NR5A2: variants seen among roughly 807,000 people sequenced by gnomAD.
NR5A2 encodes the protein nuclear receptor subfamily 5 group A member 2, also known as CYP7A promoter-binding factor.
Under a neutral mutation model 62.7 loss-of-function variants are expected in NR5A2, and 26 were observed. The ratio of observed to expected loss-of-function variants is 0.41; its 90% CI spans 0.30 to 0.58. The LOEUF is 0.58. NR5A2 is among the 20% of genes least tolerant of loss of function. The pLI is 0.22. For missense variants in NR5A2, 541 were observed against 669.1 expected (o/e 0.81, Z 2.11); for synonymous variants, 246 against 241.7 (o/e 1.02, Z -0.16).
chr1:200,085,722 C>T (rs1276818141), intron 5 of NR5A2, among the ~76,000 whole-genome samples: 1 of 150,706 alleles, frequency 6.6e-6, no homozygotes, highest in African/African-American at 2.4e-5. Flanking sequence ...GAGGGGGATA[C>T]ACATGTACAA....
At chr1:200,144,240 C>T (rs895355862) in intron 7 of NR5A2, among the ~76,000 whole-genome samples, 30 of 119,416 alleles carry the variant, frequency 2.5e-4, no homozygotes, top group African/African-American at 1.0e-3. Context: ...CTCTCACACA[C>T]ACACACACAC....
At chr1:200,148,459 C>G (rs1051116367) in intron 7 of NR5A2, among the ~76,000 whole-genome samples, 4 of 152,218 alleles carry the variant, frequency 2.6e-5, no homozygotes, top group African/African-American at 9.6e-5. Flanking sequence ...AGGCAGCCCC[C>G]TCCTGGGGGT....
chr1:200,119,226 CT>C (rs1209159315), intron 6 of NR5A2, among the ~76,000 whole-genome samples: 1 of 152,154 alleles, frequency 6.6e-6, no homozygotes, highest in African/African-American at 2.4e-5. Flanking sequence ...TCCATTCTGC[CT>C]TGTTTTTAAT....
chr1:200,156,996 T>C (rs1653420663), intron 7 of NR5A2, among the ~76,000 whole-genome samples: 2 of 152,174 alleles, frequency 1.3e-5, no homozygotes, highest in Admixed American at 6.5e-5. Flanking sequence ...TGCTGACTGA[T>C]ACATTAGGCT....
intron 5 of NR5A2, among the ~76,000 whole-genome samples, chr1:200,099,199 C>T (rs898735221): frequency 6.6e-6 from 1 of 152,198 alleles, no homozygotes; most frequent in African/African-American, 2.4e-5. Flanking sequence ...TTAGGGACCT[C>T]TCCTTTACCT....
chr1:200,156,260 C>T (rs779394908), intron 7 of NR5A2, among the ~76,000 whole-genome samples: 21 of 152,318 alleles, frequency 1.4e-4, no homozygotes, highest in South Asian at 4.1e-4. Flanking sequence ...GTTGTGGGAA[C>T]GTCAGCAAAC....
intron 7 of NR5A2, among the ~76,000 whole-genome samples, chr1:200,144,414 C>A (rs763324114): frequency 6.6e-6 from 1 of 152,092 alleles, no homozygotes; most frequent in Non-Finnish European, 1.5e-5. Context: ...CTTCCTGGAG[C>A]CTATTCTATA....
At chr1:200,094,829 G>A (rs1323292821) in intron 5 of NR5A2, among the ~76,000 whole-genome samples, 1 of 152,004 alleles carries the variant, frequency 6.6e-6, no homozygotes, top group Non-Finnish European at 1.5e-5. Context: ...ACCGCGCCTG[G>A]CCAAATGCCA....
chr1:200,065,515 C>T (rs1298366184), intron 5 of NR5A2, among the ~76,000 whole-genome samples: 2 of 152,224 alleles, frequency 1.3e-5, no homozygotes, highest in African/African-American at 2.4e-5. Flanking sequence ...GACACCAAAT[C>T]ATCCTTCCAG....
At chr1:200,033,189 T>C (rs1052026746) in intron 1 of NR5A2, among the ~76,000 whole-genome samples, 1 of 152,134 alleles carries the variant, frequency 6.6e-6, no homozygotes, top group Non-Finnish European at 1.5e-5. Flanking sequence ...GTTTAGCTTG[T>C]GAATTTGTGG....
intron 7 of NR5A2, among the ~76,000 whole-genome samples, chr1:200,125,122 G>A (rs1160725555): frequency 6.6e-6 from 1 of 152,152 alleles, no homozygotes; most frequent in African/African-American, 2.4e-5. Flanking sequence ...TTTATGAGAG[G>A]AGATGTTTAT....
chr1:200,048,879 T>A lies in NR5A2; in HGVS notation c.1110+61T>A. On this transcript the variant is annotated intron_variant, in intron 5 of 7. Coordinates refer to ENST00000367362, the MANE Select transcript of NR5A2 (RefSeq NM_205860.3). This position sits in a 1 kb window ranked among gnomAD's most constrained non-coding sequence, Gnocchi z 4.8. ...TTTAAGAGAGACCTAACTATGTTCCTAATTAATACATTCTTGGTGCTGAAA... is the reference window on the plus strand; with the variant it reads ...TTTAAGAGAGACCTAACTATGTTCCAAATTAATACATTCTTGGTGCTGAAA... The A allele has an allele frequency of 1.3e-6, 2 of 1,552,702 alleles. No individual in the cohort carries two copies. Among genetic ancestry groups the A allele is most frequent in the Non-Finnish European group, 1.8e-6 (2 of 1,136,368 alleles).
intron 2 of NR5A2, among the ~76,000 whole-genome samples, chr1:200,041,070 G>T (rs867585235): frequency 6.6e-6 from 1 of 152,138 alleles, no homozygotes; most frequent in African/African-American, 2.4e-5. Context: ...GTGGGGCATC[G>T]GGGAAGTGGC....
At chr1:200,066,101 A>T (rs1663454537) in intron 5 of NR5A2, among the ~76,000 whole-genome samples, 1 of 152,190 alleles carries the variant, frequency 6.6e-6, no homozygotes, top group African/African-American at 2.4e-5. Context: ...CACTGGCTGC[A>T]GATGGGAAAA....
chr1:200,095,645 T>C (rs181790694), intron 5 of NR5A2, among the ~76,000 whole-genome samples: 7 of 151,968 alleles, frequency 4.6e-5, no homozygotes, highest in East Asian at 3.9e-4. Context: ...CTCCACCTCC[T>C]GGGTTCACGC....
At chr1:200,073,826 C>T (rs564943777) in intron 5 of NR5A2, among the ~76,000 whole-genome samples, 6 of 152,230 alleles carry the variant, frequency 3.9e-5, no homozygotes, top group South Asian at 4.1e-4. Context: ...GATACGAAGT[C>T]GGTTAAGATA....
chr1:200,031,069 A>G (rs1661531139), intron 1 of NR5A2, among the ~76,000 whole-genome samples: 1 of 152,178 alleles, frequency 6.6e-6, no homozygotes, highest in Non-Finnish European at 1.5e-5. Flanking sequence ...TGATTCTCAT[A>G]GTTGGGGCTT....
chr1:200,085,219 C>A (rs1297510909), intron 5 of NR5A2, among the ~76,000 whole-genome samples: 1 of 152,188 alleles, frequency 6.6e-6, no homozygotes, highest in Non-Finnish European at 1.5e-5. Flanking sequence ...TTACCTCTTT[C>A]AGGTATTTTA....
intron 7 of NR5A2, among the ~76,000 whole-genome samples, chr1:200,122,868 A>G (rs1325348258): frequency 2.0e-5 from 3 of 152,230 alleles, no homozygotes; most frequent in Non-Finnish European, 2.9e-5. Flanking sequence ...AGTAACCAGT[A>G]GTAAAATTCA....
Sources: gnomAD v4.1 joint callset for allele counts (sites outside exome capture counted in the v4.1 genomes callset) on GRCh38, gnomAD v4.1.1 for gene constraint, Gnocchi (gnomAD v3.1) non-coding constraint, MANE v1.5 for transcripts, NCBI Gene and HGNC (gene_info 2026-07-23, HGNC 2026-07-21) for gene names.